The following MSH3 variants were observed in gnomAD, a reference collection of about 807,000 sequenced individuals.
MSH3 encodes the protein DNA mismatch repair protein Msh3.
A neutral mutation model predicts 123.3 loss-of-function variants in MSH3; 106 were observed. The ratio of observed to expected loss-of-function variants is 0.86; its 90% CI spans 0.73 to 1.01. MSH3 has a LOEUF of 1.01. Among genes scored for constraint, MSH3 ranks in the 50% least tolerant of loss-of-function variants. The pLI is 0.00. For missense variants in MSH3, 1,459 were observed against 1,347.6 expected, an observed-to-expected ratio of 1.08 and a Z score of -1.29; for synonymous variants, 515 against 481.4, an observed-to-expected ratio of 1.07 and a Z score of -0.91.
intron 8 of MSH3, among the ~76,000 whole-genome samples, chr5:80,681,619 T>C (rs1749970526): frequency 6.6e-6 from 1 of 151,038 alleles, no homozygotes; most frequent in Non-Finnish European, 1.5e-5. Context: ...TTTTTCTTTA[T>C]ATTTTATTAA....
At chr5:80,666,579 C>A (rs1385458027) in intron 3 of MSH3, among the ~76,000 whole-genome samples, 1 of 152,166 alleles carries the variant, frequency 6.6e-6, no homozygotes. Flanking sequence ...TTAAAGCTCA[C>A]TTTATTGATA....
intron 20 of MSH3, among the ~76,000 whole-genome samples, chr5:80,846,678 G>A (rs949939885): frequency 6.6e-5 from 10 of 152,246 alleles, no homozygotes; most frequent in African/African-American, 1.9e-4. Flanking sequence ...AGACTGCTGC[G>A]CTAGCAGTGA....
At chr5:80,736,990 G>T (rs1415843453) in intron 10 of MSH3, among the ~76,000 whole-genome samples, 1 of 152,102 alleles carries the variant, frequency 6.6e-6, no homozygotes, top group African/African-American at 2.4e-5. Flanking sequence ...ATTGAACCTG[G>T]CAGTGGTCTT....
At chr5:80,867,959 C>A (rs952668582) in intron 22 of MSH3, among the ~76,000 whole-genome samples, 2 of 152,252 alleles carry the variant, frequency 1.3e-5, no homozygotes, top group East Asian at 3.9e-4. Context: ...GCTTCTGTTG[C>A]AATTGCTTTT....
chr5:80,665,449 A>C, intron 3 of MSH3, 86 bp downstream of exon 3: 1 of 1,008,260 alleles, frequency 9.9e-7, no homozygotes, highest in Non-Finnish European at 1.5e-6. Context: ...CATTCATGGC[A>C]ATGGTTCCTA....
chr5:80,870,274 A>T (rs1746191651), intron 22 of MSH3, among the ~76,000 whole-genome samples: 1 of 151,922 alleles, frequency 6.6e-6, no homozygotes, highest in South Asian at 2.1e-4. Context: ...GGATGGATGG[A>T]TAGATGGACA....
At chr5:80,869,839 TATAC>T (rs1746177461) in intron 22 of MSH3, among the ~76,000 whole-genome samples, 2 of 54,710 alleles carry the variant, frequency 3.7e-5, no homozygotes, top group African/African-American at 1.1e-4. Flanking sequence ...TATACATATA[TATAC>T]ACACACACAC....
intron 4 of MSH3, 69 bp from the exon 5 acceptor site, chr5:80,672,175 A>G: frequency 9.0e-7 from 1 of 1,111,008 alleles, no homozygotes; most frequent in East Asian, 2.6e-5. Flanking sequence ...TTTTTAATAA[A>G]GTGAACCAAC....
chr5:80,860,562 T>A (rs994892629), intron 21 of MSH3, among the ~76,000 whole-genome samples: 8 of 151,962 alleles, frequency 5.3e-5, no homozygotes, highest in Non-Finnish European at 8.8e-5. Context: ...ATAAGGTGTT[T>A]CTTCCCTCTG....
intron 8 of MSH3, among the ~76,000 whole-genome samples, chr5:80,682,955 A>G (rs997253206): frequency 6.6e-6 from 1 of 152,082 alleles, no homozygotes; most frequent in Non-Finnish European, 1.5e-5. Flanking sequence ...AGAACATGCA[A>G]AGTTTATCTT....
At chr5:80,810,230 A>C (rs892426782) in intron 19 of MSH3, among the ~76,000 whole-genome samples, 1 of 146,360 alleles carries the variant, frequency 6.8e-6, no homozygotes, top group South Asian at 2.2e-4. Flanking sequence ...TGTGTATTTT[A>C]AAAAAGGTAC....
intron 20 of MSH3, among the ~76,000 whole-genome samples, chr5:80,832,240 G>A (rs1343270673): frequency 6.6e-6 from 1 of 152,156 alleles, no homozygotes; most frequent in African/African-American, 2.4e-5. Flanking sequence ...GGGGAAAGGG[G>A]AGAGTTTTCC....
intron 20 of MSH3, among the ~76,000 whole-genome samples, chr5:80,827,157 A>C (rs1048520593): frequency 3.9e-5 from 6 of 152,234 alleles, no homozygotes; most frequent in Admixed American, 1.3e-4. Flanking sequence ...ATTAAGTCTC[A>C]TTAGAAAACA....
intron 6 of MSH3, among the ~76,000 whole-genome samples, chr5:80,674,183 T>C (rs1462943153): frequency 1.3e-5 from 2 of 152,132 alleles, no homozygotes. Flanking sequence ...TCTAGTACAG[T>C]CCCCCTCCCT....
intron 17 of MSH3, among the ~76,000 whole-genome samples, chr5:80,781,942 A>G (rs1159678086): frequency 6.6e-6 from 1 of 152,208 alleles, no homozygotes; most frequent in African/African-American, 2.4e-5. Context: ...ATAGAAGCAT[A>G]TGATACTCTA....
chr5:80,763,012 A>G (rs973989817), intron 13 of MSH3, among the ~76,000 whole-genome samples: 3 of 151,700 alleles, frequency 2.0e-5, no homozygotes, highest in Non-Finnish European at 2.9e-5. Flanking sequence ...ATGCCTGGCT[A>G]ATTTTTGTAT....
chr5:80,669,965 C>T, intron 3 of MSH3, 132 bp from the exon 4 acceptor site: 1 of 819,128 alleles, frequency 1.2e-6, no homozygotes, highest in South Asian at 1.6e-5. Context: ...CGGAATGCTA[C>T]AATGTGCTTC....
chr5:80,706,007 G>T lies in MSH3; in HGVS notation c.1341-19446G>T, dbSNP rs143369368. Reference sequence around the variant, plus strand: ...ACATTCTTTTCCACCTCCCTCCTCAGTCCGTTTGTGCCTGTGGTAGTTGCA... The same window carrying T: ...ACATTCTTTTCCACCTCCCTCCTCATTCCGTTTGTGCCTGTGGTAGTTGCA... On this transcript the variant is annotated intron_variant, in intron 8 of 23. Coordinates refer to ENST00000265081, the MANE Select transcript of MSH3 (RefSeq NM_002439.5). 3.3e-3 allele frequency among the ~76,000 whole-genome samples: 498 copies of T among 152,266 alleles called. 5 individuals carry two copies. The highest frequency in any genetic ancestry group is 0.012 in the African/African-American group (478 of 41,550).
At chr5:80,784,674 A>G (rs1247244555) in intron 17 of MSH3, among the ~76,000 whole-genome samples, 2 of 152,038 alleles carry the variant, frequency 1.3e-5, no homozygotes, top group African/African-American at 2.4e-5. Context: ...TTTTGGACCC[A>G]TTAGCCATCC....
Sources: gnomAD v4.1 joint callset for allele counts (sites outside exome capture counted in the v4.1 genomes callset) on GRCh38, gnomAD v4.1.1 for gene constraint, MANE v1.5 for transcripts, NCBI Gene and HGNC (gene_info 2026-07-23, HGNC 2026-07-21) for gene names.